PEX7: variants seen among roughly 807,000 people sequenced by gnomAD.
The protein encoded by PEX7 is PTS2 receptor.
Under a neutral mutation model 47.5 loss-of-function variants are expected in PEX7, and 34 were observed. The observed-to-expected ratio is 0.72, with a 90% confidence interval of 0.54 to 0.95. The LOEUF (loss-of-function observed/expected upper bound fraction) is 0.95, where lower values mean the gene tolerates loss of function less well. Among genes scored for constraint, PEX7 ranks in the 40% least tolerant of loss-of-function variants. PEX7 has a pLI of 0.00. For missense variants in PEX7, 394 were observed against 400.3 expected (o/e 0.98, Z 0.13); for synonymous variants, 141 against 148.8 (o/e 0.95, Z 0.38).
intron 9 of PEX7, among the ~76,000 whole-genome samples, chr6:136,910,561 G>A (rs577542610): frequency 6.6e-6 from 1 of 152,174 alleles, no homozygotes; most frequent in African/African-American, 2.4e-5. Context: ...TGAAGAGTGA[G>A]GTTTTTAAAT....
chr6:136,865,113 T>C (rs1446210789), intron 5 of PEX7, among the ~76,000 whole-genome samples: 1 of 152,220 alleles, frequency 6.6e-6, no homozygotes, highest in Non-Finnish European at 1.5e-5. Context: ...AATTAAGTAA[T>C]GCAAACTGTT....
intron 5 of PEX7, chr6:136,855,728 T>C: frequency 2.5e-6 from 1 of 394,092 alleles, no homozygotes; most frequent in Non-Finnish European, 4.9e-6. Context: ...TACATGACCA[T>C]GACAAACACC....
At chr6:136,864,205 A>G (rs1218742823) in intron 5 of PEX7, among the ~76,000 whole-genome samples, 3 of 151,938 alleles carry the variant, frequency 2.0e-5, no homozygotes, top group Non-Finnish European at 4.4e-5. Flanking sequence ...TATGTATAAA[A>G]TGCTTAGAAC....
intron 5 of PEX7, among the ~76,000 whole-genome samples, chr6:136,853,179 T>G (rs1028259548): frequency 1.3e-5 from 2 of 152,356 alleles, no homozygotes; most frequent in African/African-American, 4.8e-5. Flanking sequence ...AACATATTGT[T>G]TATGGTTGCT....
chr6:136,900,638 C>A lies in PEX7; in HGVS notation c.903+2397C>A. On this transcript the variant is annotated intron_variant, in intron 9 of 9. Coordinates refer to ENST00000318471, the MANE Select transcript of PEX7 (RefSeq NM_000288.4). The surrounding 1 kb of genome is among the most constrained non-coding windows in gnomAD (Gnocchi z 4.2). ...CCCTTGACAGCGCAGTCAGGGACCCCCATTTTATGAGACAGGGCAGGCAGG... is the reference window on the plus strand; with the variant it reads ...CCCTTGACAGCGCAGTCAGGGACCCACATTTTATGAGACAGGGCAGGCAGG... The A allele has an allele frequency of 3.0e-6, 1 of 334,646 alleles. No individual in the cohort carries two copies. Among genetic ancestry groups the A allele is most frequent in the East Asian group, 9.7e-5 (1 of 10,350 alleles). 20.7% of individuals were successfully genotyped at this position (334,646 alleles called of 1,614,324 possible).
At chr6:136,843,583 A>G (rs1187723403) in intron 3 of PEX7, among the ~76,000 whole-genome samples, 1 of 152,200 alleles carries the variant, frequency 6.6e-6, no homozygotes, top group Non-Finnish European at 1.5e-5. Context: ...TATAGAAGAA[A>G]TGTACCTTTT....
rs1775145489 is a variant in PEX7, at chr6:136,869,992, A to G, written c.736A>G (p.Arg246Gly). 1.9e-6 allele frequency: 3 copies of G among 1,599,710 alleles called. No homozygotes were observed. Among genetic ancestry groups the G allele is most frequent in the African/African-American group, 1.3e-5 (1 of 74,638 alleles). ...FELLGHTYAI[R>G]RVKFSPFHAS... ...ACTTCTTGGTCATACCTATGCTATT[A>G]GGAGGGTGAAAGTAAGTTTTCATCT... The change falls in exon 7 of 10, where the codon AGG becomes GGG. Residue 246 changes from arginine to glycine, a missense_variant. Arg to Gly is a moderately radical substitution (Grantham distance 125). Transcript: ENST00000318471.
chr6:136,827,614 A>T (rs1774219256), intron 3 of PEX7, among the ~76,000 whole-genome samples: 1 of 150,668 alleles, frequency 6.6e-6, no homozygotes, highest in Middle Eastern at 3.3e-3. Context: ...TGCAACCTCC[A>T]CCTTCTGGAA....
At chr6:136,826,283 T>C in intron 2 of PEX7, 36 bp from the exon 3 acceptor site, 1 of 1,609,448 alleles carries the variant, frequency 6.2e-7, no homozygotes. Flanking sequence ...TATGTAAGTG[T>C]TGTATTTTTT....
chr6:136,878,644 C>T (rs1347574993), intron 8 of PEX7, among the ~76,000 whole-genome samples: 1 of 151,964 alleles, frequency 6.6e-6, no homozygotes, highest in Non-Finnish European at 1.5e-5. Context: ...TATTTTTAAA[C>T]AGTTTTGTTG....
chr6:136,887,854 T>G lies in PEX7; in HGVS notation c.804-10288T>G, dbSNP rs541370863. 7.9e-5 allele frequency among the ~76,000 whole-genome samples: 12 copies of G among 152,324 alleles called. No individual in the cohort carries two copies. In the East Asian group the frequency reaches 1.7e-3, roughly 22 times the overall value. ...TGTAGAATAAGATAACTAGCTTTAT[T>G]ATATTGTGTTAAGTGGGAAAATGAT... is the stretch of plus-strand genomic sequence containing the variant. On this transcript the variant is annotated intron_variant, in intron 8 of 9. Transcript: ENST00000318471.
At chr6:136,834,856 C>G (rs1774357682) in intron 3 of PEX7, among the ~76,000 whole-genome samples, 1 of 152,156 alleles carries the variant, frequency 6.6e-6, no homozygotes, top group Admixed American at 6.5e-5. Flanking sequence ...TTAGGTAGGA[C>G]TAGACTACAA....
intron 5 of PEX7, among the ~76,000 whole-genome samples, chr6:136,856,701 G>A (rs1475348980): frequency 6.6e-6 from 1 of 152,178 alleles, no homozygotes; most frequent in Non-Finnish European, 1.5e-5. Context: ...AAATGAGAGA[G>A]GGTGTTACCC....
intron 3 of PEX7, among the ~76,000 whole-genome samples, chr6:136,843,472 TTGACTA>T (rs2115166434): frequency 6.6e-6 from 1 of 152,334 alleles, no homozygotes; most frequent in East Asian, 1.9e-4. Flanking sequence ...TCATTCGGTA[TTGACTA>T]TGGCTGCTTG....
chr6:136,825,147 A>G (rs1774164033), intron 1 of PEX7, 67 bp from the exon 2 acceptor site: 14 of 1,318,762 alleles, frequency 1.1e-5, no homozygotes, highest in Non-Finnish European at 1.2e-5. Flanking sequence ...ATTACTTGAT[A>G]ACTCCTTGAC....
intron 9 of PEX7, among the ~76,000 whole-genome samples, chr6:136,904,514 G>T (rs1217936493): frequency 1.3e-5 from 2 of 152,108 alleles, no homozygotes; most frequent in Non-Finnish European, 2.9e-5. Flanking sequence ...TGTCATGGGA[G>T]GAACCCGGTG....
At chr6:136,846,955 C>T (rs1774616811) in intron 5 of PEX7, among the ~76,000 whole-genome samples, 1 of 152,190 alleles carries the variant, frequency 6.6e-6, no homozygotes, top group Admixed American at 6.5e-5. Flanking sequence ...TACAGTCCCA[C>T]CAACAGTATA....
chr6:136,876,649 C>T (rs1283707877), intron 8 of PEX7, among the ~76,000 whole-genome samples: 3 of 152,166 alleles, frequency 2.0e-5, no homozygotes, highest in Non-Finnish European at 4.4e-5. Flanking sequence ...TCATCCCTGC[C>T]CCTGCAAAGG....
intron 9 of PEX7, among the ~76,000 whole-genome samples, chr6:136,905,598 A>G (rs770761403): frequency 5.3e-5 from 8 of 151,870 alleles, no homozygotes; most frequent in Non-Finnish European, 1.2e-4. Context: ...TTCCTGTCCT[A>G]TTTTTTCAAT....
Sources: gnomAD v4.1 joint callset for allele counts (sites outside exome capture counted in the v4.1 genomes callset) on GRCh38, gnomAD v4.1.1 for gene constraint, Gnocchi (gnomAD v3.1) non-coding constraint, MANE v1.5 for transcripts, NCBI Gene and HGNC (gene_info 2026-07-23, HGNC 2026-07-21) for gene names.